The following WNK1 variants were observed in gnomAD, a reference collection of about 807,000 sequenced individuals.
WNK1 encodes serine/threonine-protein kinase WNK1.
Under a neutral mutation model 222.8 loss-of-function variants are expected in WNK1, and 38 were observed. That is an observed-to-expected ratio of 0.17 (90% CI 0.13 to 0.22). The LOEUF (loss-of-function observed/expected upper bound fraction) is 0.22, where lower values mean the gene tolerates loss of function less well. Among genes scored for constraint, WNK1 ranks in the 10% least tolerant of loss-of-function variants. The pLI, the probability that WNK1 is intolerant of heterozygous loss-of-function variation, is 1.00. For missense variants in WNK1, 2,348 were observed against 2,918.4 expected (o/e 0.80, Z 4.50); for synonymous variants, 1,090 against 1,092.9 (o/e 1.00, Z 0.05).
At position 820,466 on chromosome 12, in the gene WNK1, GTTT is replaced by G. The variant is rs3072715; in HGVS notation, c.933-6554_933-6552del. ...TCTGTGTGTGTGTTCATTCTTTGGG[GTTT>G]TTTTTTTTTTTTTTTTTTTTTAAAC... is the stretch of plus-strand genomic sequence containing the variant. On this transcript the variant is annotated intron_variant, in intron 2 of 27. Transcript: ENST00000315939. Among the ~76,000 whole-genome samples the G allele has an allele frequency of 3.1e-3, 275 of 89,178 alleles. 2 individuals carry two copies. The highest frequency in any genetic ancestry group is 8.4e-3 in the African/African-American group (196 of 23,282). The allele number at this position is 89,178 out of a possible 152,430, so 58.5% of individuals were successfully genotyped here. A position where few individuals can be genotyped will look rare whatever the true frequency, so the allele number is the denominator to read the frequency against.
intron 4 of WNK1, among the ~76,000 whole-genome samples, chr12:830,640 C>T (rs1948720563): frequency 6.6e-6 from 1 of 152,200 alleles, no homozygotes; most frequent in African/African-American, 2.4e-5. Context: ...GTTTAAATTA[C>T]TCATGGTAGT....
intron 1 of WNK1, among the ~76,000 whole-genome samples, chr12:769,663 G>T (rs1942232571): frequency 6.6e-6 from 1 of 152,192 alleles, no homozygotes; most frequent in African/African-American, 2.4e-5. Context: ...AAGGTATTCA[G>T]AAAAATCTGG....
chr12:801,476 C>G (rs922400634), intron 1 of WNK1, among the ~76,000 whole-genome samples: 30 of 150,744 alleles, frequency 2.0e-4, no homozygotes, highest in African/African-American at 7.1e-4. Context: ...GTGGCACGAT[C>G]ACACTCATTG....
chr12:776,542 T>C (rs1046702599), intron 1 of WNK1, among the ~76,000 whole-genome samples: 2 of 149,142 alleles, frequency 1.3e-5, no homozygotes, highest in African/African-American at 4.9e-5. Context: ...GCGATTCTTC[T>C]GCTTCAGCCT....
chr12:834,360 T>G lies in WNK1; in HGVS notation c.1311+4200T>G, dbSNP rs551119889. The stretch of plus-strand genomic sequence containing the variant: ...GACTGCTGATATGTGTTTTTACTGC[T>G]ATTATATTGTTGTATTTTAATGGTG... On this transcript the variant is annotated intron_variant, in intron 4 of 27. Transcript: ENST00000315939. Among the ~76,000 whole-genome samples, 15 of 152,326 alleles carry G rather than the reference T, an allele frequency of 9.8e-5. No individual in the cohort carries two copies. The South Asian group carries it at 3.1e-3, about 32-fold the overall frequency.
chr12:889,951 CTTTT>C (rs755068368), intron 21 of WNK1, among the ~76,000 whole-genome samples: 2 of 130,422 alleles, frequency 1.5e-5, no homozygotes, highest in African/African-American at 5.7e-5. Context: ...TAAAATGTAC[CTTTT>C]TTTTTTTTTT....
At position 868,305 on chromosome 12, in the gene WNK1, G is replaced by A. The variant is rs773884230; in HGVS notation, c.2140-2960G>A. 107 of 1,610,424 alleles carry A rather than the reference G, an allele frequency of 6.6e-5. No individual in the cohort carries two copies. The African/African-American group carries it at 7.7e-4, about 12-fold the overall frequency. ...GTAGCTGGGGTACATTACCAGGCCC[G>A]GGTGGCAGAACAGTATGAGGGCATT... On this transcript the variant is annotated intron_variant, in intron 8 of 27. Transcript: ENST00000315939.
At chr12:873,283 C>A (rs900586050) in intron 9 of WNK1, among the ~76,000 whole-genome samples, 1 of 151,998 alleles carries the variant, frequency 6.6e-6, no homozygotes, top group Non-Finnish European at 1.5e-5. Context: ...TAAAATAATT[C>A]ATTGAGTTTC....
intron 1 of WNK1, among the ~76,000 whole-genome samples, chr12:768,578 A>G (rs1223250371): frequency 2.0e-5 from 3 of 152,158 alleles, no homozygotes; most frequent in Non-Finnish European, 2.9e-5. Context: ...ACCATATTCT[A>G]TCCCTCTTAG....
chr12:906,675 A>G (rs1336774537), intron 26 of WNK1: 9 of 985,194 alleles, frequency 9.1e-6, no homozygotes, highest in Non-Finnish European at 1.1e-5. Flanking sequence ...TTGCAAATTC[A>G]TGTTTATGGG....
intron 4 of WNK1, among the ~76,000 whole-genome samples, chr12:853,194 A>G (rs1308503943): frequency 6.6e-6 from 1 of 152,170 alleles, no homozygotes; most frequent in East Asian, 1.9e-4. Flanking sequence ...AATTTTCTAT[A>G]CAAAACTCTT....
chr12:904,278 A>G (rs1411341135), intron 26 of WNK1, among the ~76,000 whole-genome samples: 1 of 152,264 alleles, frequency 6.6e-6, no homozygotes, highest in African/African-American at 2.4e-5. Context: ...TAAGGCTAAC[A>G]GCCAGTTCGA....
At chr12:848,097 G>T (rs1950157399) in intron 4 of WNK1, among the ~76,000 whole-genome samples, 1 of 152,054 alleles carries the variant, frequency 6.6e-6, no homozygotes, top group Admixed American at 6.6e-5. Context: ...GAGCCACCGC[G>T]CCTGGCTGGC....
intron 1 of WNK1, among the ~76,000 whole-genome samples, chr12:773,476 T>G (rs1942771770): frequency 6.6e-6 from 1 of 152,030 alleles, no homozygotes; most frequent in Admixed American, 6.6e-5. Context: ...TCCCAATCAG[T>G]TTTTTTCCCA....
Position 867,891 on chromosome 12 carries a change from G to A in WNK1, c.2140-3374G>A. 1 of 1,613,928 alleles carries A rather than the reference G, an allele frequency of 6.2e-7. No individual in the cohort carries two copies. The highest frequency in any genetic ancestry group is 8.5e-7 in the Non-Finnish European group (1 of 1,179,858). ...CCTCAGTCCATGGCGCATCCGTGTGGGGGGACCCCAACATACCCAGAATCA... is the reference window on the plus strand; with the variant it reads ...CCTCAGTCCATGGCGCATCCGTGTGAGGGGACCCCAACATACCCAGAATCA... On this transcript the variant is annotated intron_variant, in intron 8 of 27. Coordinates refer to ENST00000315939, the MANE Select transcript of WNK1 (RefSeq NM_018979.4).
chr12:817,869 C>T (rs1234365778), intron 2 of WNK1, among the ~76,000 whole-genome samples: 1 of 152,028 alleles, frequency 6.6e-6, no homozygotes, highest in Non-Finnish European at 1.5e-5. Context: ...AAGAGAATCG[C>T]TTGACCCCGG....
intron 1 of WNK1, among the ~76,000 whole-genome samples, chr12:776,412 TTG>T (rs59148357): frequency 0.2 from 29,348 of 146,078 alleles, 2,888 homozygotes; most frequent in Middle Eastern, 0.28. Flanking sequence ...GTTTGTGTGT[TTG>T]TGTGTGTGTG....
At position 885,743 on chromosome 12, in the gene WNK1, C is replaced by T; in HGVS notation, c.4939C>T (p.Pro1647Ser). The T allele has an allele frequency of 6.2e-7, 1 of 1,614,212 alleles. No homozygotes were observed. Among genetic ancestry groups the T allele is most frequent in the Non-Finnish European group, 8.5e-7 (1 of 1,180,040 alleles). ...EVDSDTQPKA[P>S]GIDDIKTLEE... ...AGATTCTGATACACAACCCAAAGCTCCTGGAATTGATGACATAAAGACTCT... is the reference window on the plus strand; with the variant it reads ...AGATTCTGATACACAACCCAAAGCTTCTGGAATTGATGACATAAAGACTCT... The change falls in exon 19 of 28, where the codon CCT (proline) becomes TCT (serine). Residue 1647 changes from proline (P) to serine (S), a missense_variant. Physicochemically the swap from Pro to Ser is moderately conservative, Grantham distance 74. Coordinates refer to ENST00000315939, the MANE Select transcript of WNK1 (RefSeq NM_018979.4).
chr12:801,191 A>G (rs1336027481), intron 1 of WNK1, among the ~76,000 whole-genome samples: 1 of 152,180 alleles, frequency 6.6e-6, no homozygotes, highest in Non-Finnish European at 1.5e-5. Context: ...CAGTAAAGTA[A>G]GCTGTTTATA....
Sources: allele counts gnomAD v4.1 joint callset (sites outside exome capture counted in the v4.1 genomes callset), GRCh38; gene constraint gnomAD v4.1.1; transcripts MANE v1.5; gene names NCBI Gene and HGNC (gene_info 2026-07-23, HGNC 2026-07-21).